Variants in CDH13 observed in about 807,000 individuals in gnomAD.
The protein encoded by CDH13 is cadherin-13.
CDH13 carries 24 observed loss-of-function variants against 63.8 expected under a neutral mutation model. That is an observed-to-expected ratio of 0.38 (90% CI 0.27 to 0.53). The LOEUF (loss-of-function observed/expected upper bound fraction) is 0.53. Ranked by LOEUF, CDH13 falls within the 20% of genes least tolerant of loss-of-function variation. CDH13 has a pLI of 0.85. For synonymous variants in CDH13, 503 were observed against 355.3 expected, an observed-to-expected ratio of 1.42 and a Z score of -4.67; for missense variants, 1,049 against 903.1, an observed-to-expected ratio of 1.16 and a Z score of -2.07.
At chr16:82,894,422 A>T (rs1465603941) in intron 2 of CDH13, among the ~76,000 whole-genome samples, 1 of 152,142 alleles carries the variant, frequency 6.6e-6, no homozygotes, top group Non-Finnish European at 1.5e-5. Context: ...CGAGTGGATC[A>T]CCTGAAGTCA....
chr16:83,024,303 TG>T (rs1915605533), intron 2 of CDH13, among the ~76,000 whole-genome samples: 1 of 152,220 alleles, frequency 6.6e-6, no homozygotes, highest in Non-Finnish European at 1.5e-5. Context: ...AAAAAATACC[TG>T]GCATATTCAA....
At chr16:83,466,417 G>A (rs774180682) in intron 6 of CDH13, among the ~76,000 whole-genome samples, 5 of 152,202 alleles carry the variant, frequency 3.3e-5, no homozygotes, top group Admixed American at 6.5e-5. Context: ...CAGCAACAGA[G>A]GGCTGGATAA....
chr16:83,147,774 C>T (rs1189101725), intron 4 of CDH13, among the ~76,000 whole-genome samples: 1 of 152,106 alleles, frequency 6.6e-6, no homozygotes, highest in Non-Finnish European at 1.5e-5. Context: ...ATCTTCTTCC[C>T]ACTGGTCTCT....
chr16:83,211,751 C>T (rs753574214), intron 4 of CDH13, among the ~76,000 whole-genome samples: 1 of 144,462 alleles, frequency 6.9e-6, no homozygotes, highest in Non-Finnish European at 1.5e-5. Flanking sequence ...CTATGCGACG[C>T]CCACCTCCCC....
intron 5 of CDH13, among the ~76,000 whole-genome samples, chr16:83,309,041 C>G (rs766484289): frequency 2.0e-5 from 3 of 152,178 alleles, no homozygotes; most frequent in Non-Finnish European, 4.4e-5. Context: ...TGTTATGCCT[C>G]AGTCCTCAGA....
intron 2 of CDH13, among the ~76,000 whole-genome samples, chr16:82,903,281 A>T (rs150256680): frequency 1.5e-3 from 229 of 152,340 alleles, no homozygotes; most frequent in Middle Eastern, 3.4e-3. Flanking sequence ...TTTGCATGGC[A>T]ACCCTATTGA....
intron 3 of CDH13, among the ~76,000 whole-genome samples, chr16:83,032,893 A>G (rs143626422): frequency 3.9e-5 from 6 of 152,350 alleles, no homozygotes; most frequent in Admixed American, 1.3e-4. Flanking sequence ...TGGATAGACC[A>G]GAAAAGGTGA....
At chr16:83,493,202 A>G (rs1181412547) in intron 7 of CDH13, among the ~76,000 whole-genome samples, 1 of 152,230 alleles carries the variant, frequency 6.6e-6, no homozygotes, top group East Asian at 1.9e-4. Context: ...ATTAGTTGGT[A>G]TTAGATGTTT....
intron 7 of CDH13, among the ~76,000 whole-genome samples, chr16:83,551,644 C>A (rs1373133958): frequency 6.6e-6 from 1 of 152,092 alleles, no homozygotes; most frequent in African/African-American, 2.4e-5. Flanking sequence ...TTTTTCCTAG[C>A]AAAACACTGT....
chr16:82,791,918 G>T (rs191809173), intron 1 of CDH13, among the ~76,000 whole-genome samples: 113 of 152,274 alleles, frequency 7.4e-4, no homozygotes, highest in African/African-American at 2.4e-3. Flanking sequence ...AAGGCTTGCT[G>T]CCATCTTGGG....
chr16:83,447,313 G>T (rs1284669883), intron 6 of CDH13, among the ~76,000 whole-genome samples: 1 of 151,566 alleles, frequency 6.6e-6, no homozygotes, highest in Non-Finnish European at 1.5e-5. Context: ...TACTCAGGAG[G>T]CCAAGGCAGG....
chr16:83,343,163 G>A (rs577268804), intron 5 of CDH13, among the ~76,000 whole-genome samples: 121 of 152,076 alleles, frequency 8.0e-4, no homozygotes, highest in African/African-American at 2.8e-3. Context: ...AAAGGATGAA[G>A]TAATGTTAAA....
chr16:83,712,253 T>G (rs1322530886), intron 10 of CDH13, among the ~76,000 whole-genome samples: 1 of 152,074 alleles, frequency 6.6e-6, no homozygotes, highest in Admixed American at 6.6e-5. Flanking sequence ...AAAAGGGCCT[T>G]GAATGGAAAG....
intron 2 of CDH13, among the ~76,000 whole-genome samples, chr16:82,866,387 T>C (rs1261359422): frequency 8.4e-5 from 9 of 107,252 alleles, no homozygotes; most frequent in Non-Finnish European, 2.0e-5. Flanking sequence ...CTTTTTTTTT[T>C]TTTTTTTTTT....
At chr16:83,489,352 C>G (rs1044470115) in intron 7 of CDH13, among the ~76,000 whole-genome samples, 1 of 152,112 alleles carries the variant, frequency 6.6e-6, no homozygotes, top group Non-Finnish European at 1.5e-5. Flanking sequence ...CAAAAAAGAT[C>G]AACTCAATTT....
intron 3 of CDH13, among the ~76,000 whole-genome samples, chr16:83,117,565 T>C (rs2035365705): frequency 3.3e-5 from 5 of 152,112 alleles, no homozygotes; most frequent in Admixed American, 2.6e-4. Flanking sequence ...AATTGAAGCT[T>C]CATGAGGGCA....
At chr16:83,203,413 G>A (rs998287913) in intron 4 of CDH13, among the ~76,000 whole-genome samples, 2 of 151,358 alleles carry the variant, frequency 1.3e-5, no homozygotes, top group Non-Finnish European at 3.0e-5. Flanking sequence ...AAGGCCAGGT[G>A]TGGTGGCTCA....
rs74031465 is a variant in CDH13 at position 83,201,130 on chromosome 16, T to C, written c.484-16215T>C. Among the ~76,000 whole-genome samples the C allele has an allele frequency of 6.3e-3, 963 of 152,288 alleles. 8 individuals carry two copies. The highest frequency in any genetic ancestry group is 0.022 in the African/African-American group (899 of 41,542). ...GTAGCTGTGCCTGTTCATTGATTTA[T>C]GCATTCATTTTCCTTTTTTCCTGAC... On this transcript the variant is annotated intron_variant, in intron 4 of 13. Coordinates refer to ENST00000567109, the MANE Select transcript of CDH13 (RefSeq NM_001257.5).
chr16:83,220,327 G>T (rs999318849), intron 5 of CDH13, among the ~76,000 whole-genome samples: 1 of 152,184 alleles, frequency 6.6e-6, no homozygotes, highest in Non-Finnish European at 1.5e-5. Context: ...GCACAGGAAT[G>T]TTGCAATTTC....
Sources: allele counts gnomAD v4.1 joint callset (sites outside exome capture counted in the v4.1 genomes callset), GRCh38; gene constraint gnomAD v4.1.1; transcripts MANE v1.5; gene names NCBI Gene and HGNC (gene_info 2026-07-23, HGNC 2026-07-21).